The following FAM204A variants were observed in gnomAD, a reference collection of about 807,000 sequenced individuals.
FAM204A encodes protein FAM204A.
A neutral mutation model predicts 35.4 loss-of-function variants in FAM204A; 16 were observed. That is an observed-to-expected ratio of 0.45 (90% CI 0.31 to 0.69). The LOEUF is 0.69. Ranked by LOEUF, FAM204A falls within the 30% of genes least tolerant of loss-of-function variation. FAM204A has a pLI of 0.07. For missense variants in FAM204A, 240 were observed against 265.7 expected, an observed-to-expected ratio of 0.90 and a Z score of 0.67; for synonymous variants, 76 against 86.9, an observed-to-expected ratio of 0.88 and a Z score of 0.70.
rs952628558 is a variant in FAM204A, at chr10:118,301,734, T to C, written c.*9123A>G. On this transcript the variant is annotated 3_prime_UTR_variant, in exon 9 of 9. Transcript: ENST00000369183. The stretch of plus-strand genomic sequence containing the variant: ...AGCACTTTCATATTCATTAGTTCCT[T>C]TAATCCTCACATCTCTATAAGATAG... The C allele has an allele frequency of 2.0e-5, 3 of 152,192 alleles. No individual in the cohort carries two copies. The highest frequency in any genetic ancestry group is 4.4e-5 in the Non-Finnish European group (3 of 68,030). The allele number at this position is 152,192 out of a possible 1,614,324, so 9.4% of individuals were successfully genotyped here.
At chr10:118,336,067 C>T in intron 3 of FAM204A, 115 bp downstream of exon 3, 1 of 1,198,762 alleles carries the variant, frequency 8.3e-7, no homozygotes, top group Non-Finnish European at 1.2e-6. Context: ...ATTCTGAGTC[C>T]ATCTCCCTCC....
chr10:118,321,459 G>A (rs188164840), intron 7 of FAM204A, among the ~76,000 whole-genome samples: 1 of 152,064 alleles, frequency 6.6e-6, no homozygotes, highest in East Asian at 1.9e-4. Context: ...GCAAAGAACA[G>A]GGCCTAAATT....
intron 6 of FAM204A, among the ~76,000 whole-genome samples, chr10:118,328,484 T>C (rs912170723): frequency 1.4e-5 from 2 of 146,782 alleles, no homozygotes; most frequent in Non-Finnish European, 3.0e-5. Flanking sequence ...TGCTGAAATA[T>C]ATGTCAACTG....
intron 6 of FAM204A, among the ~76,000 whole-genome samples, chr10:118,327,318 T>C (rs1175108891): frequency 2.6e-5 from 4 of 152,158 alleles, no homozygotes; most frequent in Non-Finnish European, 5.9e-5. Context: ...AATAACAACA[T>C]AATTTGCCTA....
chr10:118,329,868 T>C (rs1267920703), intron 6 of FAM204A, among the ~76,000 whole-genome samples: 1 of 152,134 alleles, frequency 6.6e-6, no homozygotes, highest in Non-Finnish European at 1.5e-5. Flanking sequence ...GAACATTTAT[T>C]ACATACCAAC....
At chr10:118,341,676 G>A (rs1160579457) in intron 2 of FAM204A, 51 bp downstream of exon 2, 1 of 152,164 alleles carries the variant, frequency 6.6e-6, no homozygotes, top group African/African-American at 2.4e-5. Context: ...AATAAACCAA[G>A]TTAACAGTTC....
Position 118,334,971 on chromosome 10 carries a change from T to C in FAM204A, c.453+143A>G, listed in dbSNP as rs532242250. ...ACAGTTTTTTAATAATTTGTAACTATATATTTACTTATCTAGCACCCTTTT... is the reference window on the plus strand; with the variant it reads ...ACAGTTTTTTAATAATTTGTAACTACATATTTACTTATCTAGCACCCTTTT... On this transcript the variant is annotated intron_variant, in intron 6 of 8. Coordinates refer to ENST00000369183, the MANE Select transcript of FAM204A (RefSeq NM_022063.3). The C allele has an allele frequency of 1.4e-3, 802 of 580,494 alleles. 8 individuals carry two copies. The highest frequency in any genetic ancestry group is 8.4e-3 in the South Asian group (335 of 39,782). 36.0% of individuals were successfully genotyped at this position (580,494 alleles called of 1,614,324 possible). A position where few individuals can be genotyped will look rare whatever the true frequency, so the allele number is the denominator to read the frequency against.
rs1035608780 is a variant in FAM204A, at chr10:118,298,970, C to T, written c.*11887G>A. Reference sequence around the variant, plus strand: ...CGATGGACTAATGGTTGCCTAGCAACCACTAGACATTGTTTTGCTGCTTCA... The same window carrying T: ...CGATGGACTAATGGTTGCCTAGCAATCACTAGACATTGTTTTGCTGCTTCA... On this transcript the variant is annotated 3_prime_UTR_variant, in exon 9 of 9. Transcript: ENST00000369183. 2 of 152,180 alleles carry T rather than the reference C, an allele frequency of 1.3e-5. No homozygotes were observed. Among genetic ancestry groups the T allele is most frequent in the Non-Finnish European group, 2.9e-5 (2 of 68,034 alleles). The allele number at this position is 152,180 out of a possible 1,614,324, so 9.4% of individuals were successfully genotyped here. A position where few individuals can be genotyped will look rare whatever the true frequency, so the allele number is the denominator to read the frequency against.
rs1845821974 is a variant in FAM204A at position 118,302,726 on chromosome 10, T to TTACA, written c.*8130_*8131insTGTA. On this transcript the variant is annotated 3_prime_UTR_variant, in exon 9 of 9. Transcript: ENST00000369183. ...GTAATGTACTAGTACAGGCAGTCTG[T>TTACA]TTGGGAATATGAGCGTTTATATTAA... The TTACA allele has an allele frequency of 6.6e-6, 1 of 152,246 alleles. No homozygotes were observed. The highest frequency in any genetic ancestry group is 1.5e-5 in the Non-Finnish European group (1 of 68,050). The allele number at this position is 152,246 out of a possible 1,614,324, so 9.4% of individuals were successfully genotyped here.
At chr10:118,320,169 G>A (rs1846089986) in intron 7 of FAM204A, among the ~76,000 whole-genome samples, 1 of 148,164 alleles carries the variant, frequency 6.7e-6, no homozygotes, top group African/African-American at 2.5e-5. Flanking sequence ...TAAGTAATCG[G>A]TAGTAAGCAG....
chr10:118,323,299 G>A (rs931839044), intron 7 of FAM204A, among the ~76,000 whole-genome samples: 2 of 152,012 alleles, frequency 1.3e-5, no homozygotes, highest in African/African-American at 2.4e-5. Flanking sequence ...CCTGTCTTAC[G>A]CTTTACTCGG....
intron 7 of FAM204A, among the ~76,000 whole-genome samples, chr10:118,325,737 G>GCATTTTACCC (rs1455276706): frequency 2.0e-5 from 3 of 152,252 alleles, no homozygotes; most frequent in Non-Finnish European, 4.4e-5. Context: ...AGGGGGATGT[G>GCATTTTACCC]CTGAGCAAAC....
rs1281795854 is a variant in FAM204A at position 118,304,946 on chromosome 10, T to G, written c.*5911A>C. On this transcript the variant is annotated 3_prime_UTR_variant, in exon 9 of 9. Coordinates refer to ENST00000369183, the MANE Select transcript of FAM204A (RefSeq NM_022063.3). ...AATTTCTTTCCTCCCAGTCTATATTTTCCAGCTTCCCTTGTGGTTAGTGTG... is the reference window on the plus strand; with the variant it reads ...AATTTCTTTCCTCCCAGTCTATATTGTCCAGCTTCCCTTGTGGTTAGTGTG... The G allele has an allele frequency of 1.3e-5, 2 of 152,252 alleles. No individual in the cohort carries two copies. Among genetic ancestry groups the G allele is most frequent in the Admixed American group, 6.5e-5 (1 of 15,290 alleles). 9.4% of individuals were successfully genotyped at this position (152,252 alleles called of 1,614,324 possible). A position where few individuals can be genotyped will look rare whatever the true frequency, so the allele number is the denominator to read the frequency against.
rs1045679758 is a variant in FAM204A at position 118,300,383 on chromosome 10, C to T, written c.*10474G>A. ...AAGGACGTATTACTTCTTTTGTTCA[C>T]TCAAGCCAATTAAATCAACAAATAT... On this transcript the variant is annotated 3_prime_UTR_variant, in exon 9 of 9. Transcript: ENST00000369183. The T allele has an allele frequency of 6.6e-6, 1 of 152,150 alleles. No individual in the cohort carries two copies. The allele number at this position is 152,150 out of a possible 1,614,324, so 9.4% of individuals were successfully genotyped here.
intron 7 of FAM204A, among the ~76,000 whole-genome samples, chr10:118,322,587 G>C (rs1180594670): frequency 6.6e-6 from 1 of 152,012 alleles, no homozygotes; most frequent in Non-Finnish European, 1.5e-5. Flanking sequence ...ACGACAAAAT[G>C]CAAAGTCATT....
intron 6 of FAM204A, among the ~76,000 whole-genome samples, chr10:118,328,984 CT>C (rs141337404): frequency 0.011 from 1,607 of 152,332 alleles, 18 homozygotes; most frequent in Middle Eastern, 0.061. Flanking sequence ...GACTTCTCCC[CT>C]GTACCAATAC....
rs1461453301 is a variant in FAM204A, at chr10:118,308,925, A to G, written c.*1932T>C. On this transcript the variant is annotated 3_prime_UTR_variant, in exon 9 of 9. Coordinates refer to ENST00000369183, the MANE Select transcript of FAM204A (RefSeq NM_022063.3). ...AGACTGAAGTCAAAGGGAAATGCCC[A>G]TATCGGGGCCCCAAGTGTGAGAATA... is the stretch of plus-strand genomic sequence containing the variant. 1 of 152,012 alleles carries G rather than the reference A, an allele frequency of 6.6e-6. No individual in the cohort carries two copies. Among genetic ancestry groups the G allele is most frequent in the Non-Finnish European group, 1.5e-5 (1 of 68,006 alleles). 9.4% of individuals were successfully genotyped at this position (152,012 alleles called of 1,614,324 possible).
chr10:118,338,096 C>A (rs1164579415), intron 2 of FAM204A, among the ~76,000 whole-genome samples: 1 of 152,272 alleles, frequency 6.6e-6, no homozygotes, highest in Admixed American at 6.5e-5. Context: ...CTCCAAGATT[C>A]CTCATCTGCA....
At chr10:118,324,376 C>T (rs2133279168) in intron 7 of FAM204A, among the ~76,000 whole-genome samples, 1 of 152,270 alleles carries the variant, frequency 6.6e-6, no homozygotes, top group South Asian at 2.1e-4. Flanking sequence ...CACCAATATT[C>T]ATAGCAGCAT....
Sources: allele counts gnomAD v4.1 joint callset (sites outside exome capture counted in the v4.1 genomes callset), GRCh38; gene constraint gnomAD v4.1.1; transcripts MANE v1.5; gene names NCBI Gene and HGNC (gene_info 2026-07-23, HGNC 2026-07-21).